Variants in ZDHHC11 observed in about 807,000 individuals in gnomAD.
ZDHHC11 encodes the protein zDHHC palmitoyltransferase 11.
Under a neutral mutation model 51.3 loss-of-function variants are expected in ZDHHC11, and 44 were observed. The ratio of observed to expected loss-of-function variants is 0.86; its 90% CI spans 0.67 to 1.10. The LOEUF (loss-of-function observed/expected upper bound fraction) is 1.10, where lower values mean the gene tolerates loss of function less well. ZDHHC11 is among the 50% of genes least tolerant of loss of function. ZDHHC11 has a pLI of 0.00. For synonymous variants in ZDHHC11, 163 were observed against 222.0 expected, an observed-to-expected ratio of 0.73 and a Z score of 2.36; for missense variants, 400 against 537.7, an observed-to-expected ratio of 0.74 and a Z score of 2.53.
At chr5:835,538 TTTA>T (rs1443044017) in intron 6 of ZDHHC11, among the ~76,000 whole-genome samples, 2 of 151,942 alleles carry the variant, frequency 1.3e-5, no homozygotes, top group African/African-American at 4.8e-5. Flanking sequence ...GTTCTCCAAT[TTTA>T]TTTTTTCTCA....
intron 5 of ZDHHC11, among the ~76,000 whole-genome samples, 179 bp from the exon 6 acceptor site, chr5:837,659 A>C (rs1213520814): frequency 1.3e-5 from 2 of 151,724 alleles, no homozygotes; most frequent in Non-Finnish European, 2.9e-5. Flanking sequence ...TTGTGGGCCC[A>C]GTTCTGCAGC....
intron 11 of ZDHHC11, among the ~76,000 whole-genome samples, chr5:804,258 G>T (rs1411450559): frequency 6.6e-6 from 1 of 151,178 alleles, no homozygotes; most frequent in Non-Finnish European, 1.5e-5. Flanking sequence ...TGCCCACCCA[G>T]GACATGAATC....
At chr5:813,091 C>T (rs1740302584) in intron 11 of ZDHHC11, among the ~76,000 whole-genome samples, 1 of 145,256 alleles carries the variant, frequency 6.9e-6, no homozygotes, top group Non-Finnish European at 1.5e-5. Flanking sequence ...AGTCCCAACA[C>T]TTTAGGAGGC....
In ZDHHC11 at chr5:825,258, G is replaced by C; in HGVS notation, c.936-7C>G. 1.2e-6 allele frequency: 2 copies of C among 1,611,564 alleles called. No individual in the cohort carries two copies. Among genetic ancestry groups the C allele is most frequent in the Non-Finnish European group, 1.7e-6 (2 of 1,178,146 alleles). On this transcript the variant is annotated splice_region_variant and splice_polypyrimidine_tract_variant and intron_variant, in intron 7 of 12. Coordinates refer to ENST00000283441, the MANE Select transcript of ZDHHC11 (RefSeq NM_024786.3). ...GGAGCTCTTGGCTTTGACTCTGGTG[G>C]GACAGAAAGGAGGAGAGAAACTCAT... is the stretch of plus-strand genomic sequence containing the variant.
rs454948 is a variant in ZDHHC11, at chr5:805,636, C to A, written c.1182-4472G>T. ...GAAATAAAAATATATATGATATACA[C>A]AATGCAAAAAGCTAAATAGCAGAAG... On this transcript the variant is annotated intron_variant, in intron 11 of 12. Transcript: ENST00000283441. 3.4e-4 allele frequency among the ~76,000 whole-genome samples: 51 copies of A among 150,602 alleles called. 2 individuals carry two copies. The highest frequency in any genetic ancestry group is 1.2e-3 in the South Asian group (6 of 4,806).
chr5:833,265 A>C (rs1289734980), intron 7 of ZDHHC11, among the ~76,000 whole-genome samples: 3 of 152,220 alleles, frequency 2.0e-5, no homozygotes, highest in African/African-American at 7.2e-5. Flanking sequence ...ACCGCACTGC[A>C]CAGCACTAGC....
intron 6 of ZDHHC11, among the ~76,000 whole-genome samples, chr5:834,790 C>T (rs1290723250): frequency 6.6e-6 from 1 of 152,034 alleles, no homozygotes; most frequent in African/African-American, 2.4e-5. Context: ...CAGCTTTTAG[C>T]AATAAAGCAC....
At chr5:855,262 C>T (rs1235115372), upstream of ZDHHC11, among the ~76,000 whole-genome samples, 1 of 149,012 alleles carries the variant, frequency 6.7e-6, no homozygotes, top group Non-Finnish European at 1.5e-5. Flanking sequence ...GGAGAGACAC[C>T]ATGGAGGACA....
At chr5:828,222 A>T (rs540714658) in intron 7 of ZDHHC11, among the ~76,000 whole-genome samples, 1 of 151,336 alleles carries the variant, frequency 6.6e-6, no homozygotes, top group East Asian at 1.9e-4. Context: ...CGCCATTGTC[A>T]TCATGGCCCG....
At chr5:836,453 G>A (rs971099102) in intron 6 of ZDHHC11, among the ~76,000 whole-genome samples, 1 of 150,396 alleles carries the variant, frequency 6.6e-6, no homozygotes, top group African/African-American at 2.5e-5. Context: ...TTTCCTGAAT[G>A]TACTGGCTTA....
chr5:853,977 G>A (rs1383605294), upstream of ZDHHC11, among the ~76,000 whole-genome samples: 1 of 149,662 alleles, frequency 6.7e-6, no homozygotes, highest in African/African-American at 2.5e-5. Flanking sequence ...AGACCCCACA[G>A]AGGACAGTGA....
intron 12 of ZDHHC11, among the ~76,000 whole-genome samples, 168 bp downstream of exon 12, chr5:800,932 G>A (rs1222223006): frequency 6.6e-6 from 1 of 151,296 alleles, no homozygotes; most frequent in African/African-American, 2.4e-5. Flanking sequence ...TACTTCTAAA[G>A]ATGGACACAC....
chr5:818,400 G>A (rs1397989473), intron 10 of ZDHHC11, among the ~76,000 whole-genome samples: 2 of 151,734 alleles, frequency 1.3e-5, no homozygotes, highest in African/African-American at 4.8e-5. Flanking sequence ...TTGGACGCCA[G>A]CGTCGCTGTT....
intron 1 of ZDHHC11, among the ~76,000 whole-genome samples, chr5:856,696 C>T (rs59875075): frequency 0.019 from 2,833 of 151,492 alleles, 86 homozygotes; most frequent in African/African-American, 0.065. Context: ...CAACCACAAA[C>T]GCATCACTCT....
intron 4 of ZDHHC11, chr5:843,354 G>A (rs1206940853): frequency 2.9e-5 from 19 of 657,054 alleles, no homozygotes; most frequent in East Asian, 1.0e-4. Context: ...CGCCTGACAC[G>A]ACCTGGCAGC....
Position 796,261 on chromosome 5 carries a change from G to C in ZDHHC11, c.*327C>G, listed in dbSNP as rs146534417. On this transcript the variant is annotated 3_prime_UTR_variant, in exon 13 of 13. Transcript: ENST00000283441. Reference sequence around the variant, plus strand: ...CAGCAAGAGGCCCTGCAGCTGGCTGGCTGGCTGGACAGCACAGTTAAGCAG... The same window carrying C: ...CAGCAAGAGGCCCTGCAGCTGGCTGCCTGGCTGGACAGCACAGTTAAGCAG... The C allele has an allele frequency of 0.1, 14,983 of 149,868 alleles. 94 individuals carry two copies. The highest frequency in any genetic ancestry group is 0.18 in the African/African-American group (7,199 of 39,484). The allele number at this position is 149,868 out of a possible 1,614,324, so 9.3% of individuals were successfully genotyped here. A position where few individuals can be genotyped will look rare whatever the true frequency, so the allele number is the denominator to read the frequency against.
chr5:816,806 G>C, intron 10 of ZDHHC11: 1 of 477,310 alleles, frequency 2.1e-6, no homozygotes, highest in African/African-American at 2.0e-5. Flanking sequence ...CTGCCCTCCA[G>C]TCTTAAAAGG....
At chr5:802,295 A>C (rs1420329069) in intron 11 of ZDHHC11, among the ~76,000 whole-genome samples, 2 of 151,394 alleles carry the variant, frequency 1.3e-5, no homozygotes, top group Non-Finnish European at 3.0e-5. Flanking sequence ...GAAAAAATGC[A>C]CAGAAGGAAG....
At chr5:814,092 G>T (rs1301856668) in intron 11 of ZDHHC11, among the ~76,000 whole-genome samples, 1 of 143,030 alleles carries the variant, frequency 7.0e-6, no homozygotes, top group Non-Finnish European at 1.5e-5. Context: ...TCATTTTATG[G>T]AAAGAAAAAT....
Sources: gnomAD v4.1 joint callset for allele counts (sites outside exome capture counted in the v4.1 genomes callset) on GRCh38, gnomAD v4.1.1 for gene constraint, MANE v1.5 for transcripts, NCBI Gene and HGNC (gene_info 2026-07-23, HGNC 2026-07-21) for gene names.